Variants in CHL1 observed in about 807,000 individuals in gnomAD.
CHL1 encodes the protein cell adhesion molecule L1 like.
A neutral mutation model predicts 141.9 loss-of-function variants in CHL1; 96 were observed. That is an observed-to-expected ratio of 0.68 (90% CI 0.57 to 0.80). The LOEUF is 0.80. Ranked by LOEUF, CHL1 falls within the 30% of genes least tolerant of loss-of-function variation. The probability of loss-of-function intolerance (pLI) is 0.00; values close to 1 mark genes in which losing one functional copy is unlikely to be tolerated. For missense variants in CHL1, 1,820 were observed against 1,457.2 expected (o/e 1.25, Z -4.05); for synonymous variants, 613 against 502.2 (o/e 1.22, Z -2.95).
chr3:232,551 T>G (rs1406554968), intron 1 of CHL1, among the ~76,000 whole-genome samples: 1 of 152,212 alleles, frequency 6.6e-6, no homozygotes, highest in East Asian at 1.9e-4. Flanking sequence ...TATGCTCTGC[T>G]GATTAGCTAT....
At chr3:258,908 C>T (rs1694432473) in intron 2 of CHL1, among the ~76,000 whole-genome samples, 1 of 150,796 alleles carries the variant, frequency 6.6e-6, no homozygotes, top group Admixed American at 6.6e-5. Context: ...TTATCACACA[C>T]CTTTATTTTA....
intron 5 of CHL1, among the ~76,000 whole-genome samples, chr3:330,582 A>AAT (rs1222548779): frequency 6.6e-6 from 1 of 152,154 alleles, no homozygotes; most frequent in Non-Finnish European, 1.5e-5. Flanking sequence ...AATCTAGACA[A>AAT]ATAGAAAATA....
At chr3:231,575 C>CTTTTTTTT (rs5845954) in intron 1 of CHL1, among the ~76,000 whole-genome samples, 2 of 100,564 alleles carry the variant, frequency 2.0e-5, no homozygotes, top group African/African-American at 3.3e-5. Context: ...TTATTTCTTC[C>CTTTTTTTT]TTTTTTTTTT....
chr3:347,758 T>G (rs953050195), intron 9 of CHL1, among the ~76,000 whole-genome samples: 33 of 152,152 alleles, frequency 2.2e-4, no homozygotes, highest in Non-Finnish European at 1.0e-4. Flanking sequence ...TCTTAGGTGG[T>G]GTGCTCAGAA....
At chr3:357,394 C>G (rs1289770921) in intron 11 of CHL1, among the ~76,000 whole-genome samples, 2 of 152,160 alleles carry the variant, frequency 1.3e-5, no homozygotes, top group Non-Finnish European at 2.9e-5. Context: ...CGGACTAACC[C>G]TTTTCACATG....
At chr3:277,165 T>C (rs1696215600) in intron 2 of CHL1, among the ~76,000 whole-genome samples, 2 of 152,172 alleles carry the variant, frequency 1.3e-5, no homozygotes, top group Admixed American at 1.3e-4. Flanking sequence ...TTCTAAAAAG[T>C]CTTTTAAAAT....
intron 1 of CHL1, among the ~76,000 whole-genome samples, chr3:244,327 T>A (rs1184280575): frequency 6.6e-6 from 1 of 152,192 alleles, no homozygotes; most frequent in East Asian, 1.9e-4. Context: ...CGTGAATTCA[T>A]GAGAGAAGAC....
At chr3:337,245 C>T (rs1179217681) in intron 5 of CHL1, among the ~76,000 whole-genome samples, 2 of 139,190 alleles carry the variant, frequency 1.4e-5, no homozygotes, top group Non-Finnish European at 3.0e-5. Context: ...GGCTGGAGGG[C>T]AGTGGCACAA....
chr3:344,546 T>C (rs778772368), intron 8 of CHL1, 43 bp from the exon 9 acceptor site: 8 of 1,501,972 alleles, frequency 5.3e-6, no homozygotes, highest in South Asian at 4.7e-5. Flanking sequence ...ATTTTATGTA[T>C]ATTAATTTGA....
intron 1 of CHL1, among the ~76,000 whole-genome samples, chr3:236,702 A>T (rs1692018283): frequency 6.6e-6 from 1 of 151,670 alleles, no homozygotes; most frequent in Admixed American, 6.6e-5. Context: ...TGTGGCCCTT[A>T]ACATTTTATT....
chr3:268,753 A>G (rs992154023), intron 2 of CHL1, among the ~76,000 whole-genome samples: 1 of 152,176 alleles, frequency 6.6e-6, no homozygotes, highest in Non-Finnish European at 1.5e-5. Flanking sequence ...CATACAGAAA[A>G]CAATTAATAA....
At chr3:217,351 C>T (rs1362239818) in intron 1 of CHL1, among the ~76,000 whole-genome samples, 1 of 151,992 alleles carries the variant, frequency 6.6e-6, no homozygotes, top group Non-Finnish European at 1.5e-5. Context: ...TATTGAGCTG[C>T]GAACAAATCC....
chr3:343,150 T>A (rs1264583477), intron 8 of CHL1, 119 bp downstream of exon 8: 1 of 743,486 alleles, frequency 1.3e-6, no homozygotes, highest in Non-Finnish European at 2.1e-6. Context: ...ATGAAAAACA[T>A]CTGAACTTAG....
At position 401,665 on chromosome 3, in the gene CHL1, A is replaced by G; in HGVS notation, c.3425A>G (p.Gln1142Arg). Residue 1142 changes from glutamine (Q) to arginine (R), a missense_variant, in exon 27 of 28, where the codon CAG (glutamine) becomes CGG (arginine). Gln to Arg is a conservative substitution (Grantham distance 43, BLOSUM62 1). Transcript: ENST00000256509. ...KEDLHPDPEI[Q>R]SVKDETFGEY... is the part of the protein sequence containing the mutation. ...GATTTGCATCCAGACCCAGAAATTC[A>G]GTCAGTAAAAGATGAAACCTTTGGT... The G allele has an allele frequency of 6.3e-7, 1 of 1,597,220 alleles. No homozygotes were observed. Among genetic ancestry groups the G allele is most frequent in the South Asian group, 1.1e-5 (1 of 87,964 alleles).
Position 261,736 on chromosome 3 carries a change from C to G in CHL1, c.-95+17044C>G, listed in dbSNP as rs540155929. ...AGACTTAACAACCAGCTCTCAAAAT[C>G]CTCTCCTCAGTATTTATAAAGAGAA... On this transcript the variant is annotated intron_variant, in intron 2 of 27. Transcript: ENST00000256509. 2.0e-4 allele frequency among the ~76,000 whole-genome samples: 31 copies of G among 152,090 alleles called. No homozygotes were observed. The South Asian group carries it at 6.4e-3, about 32-fold the overall frequency.
Position 391,167 on chromosome 3 carries a change from G to C in CHL1, c.2791+8G>C, listed in dbSNP as rs766089226. 76 of 1,594,602 alleles carry C rather than the reference G, an allele frequency of 4.8e-5. No homozygotes were observed. The highest frequency in any genetic ancestry group is 6.4e-5 in the Non-Finnish European group (74 of 1,162,764). On this transcript the variant is annotated splice_region_variant and intron_variant, in intron 22 of 27. Transcript: ENST00000256509. ...TTCAAACACCAGAAGGAGGTGAGAG[G>C]ATAATGATGTAGAGTCATGTCAAAA... is the stretch of plus-strand genomic sequence containing the variant.
chr3:321,272 C>T (rs62227232), intron 3 of CHL1, among the ~76,000 whole-genome samples: 20,818 of 151,990 alleles, frequency 0.14, 1,696 homozygotes, highest in African/African-American at 0.21. Flanking sequence ...TTGACATTTC[C>T]ATTTCTTAAG....
At chr3:247,229 T>G (rs1050482746) in intron 2 of CHL1, 1 of 152,000 alleles carries the variant, frequency 6.6e-6, no homozygotes, top group Non-Finnish European at 1.5e-5. Context: ...ACACCAGGGC[T>G]TGGCTCCTGT....
chr3:300,597 C>T (rs1292260731), intron 2 of CHL1, among the ~76,000 whole-genome samples: 1 of 152,100 alleles, frequency 6.6e-6, no homozygotes, highest in African/African-American at 2.4e-5. Context: ...CTATTCTGTG[C>T]AAGGCAATAC....
Sources: gnomAD v4.1 joint callset for allele counts (sites outside exome capture counted in the v4.1 genomes callset) on GRCh38, gnomAD v4.1.1 for gene constraint, MANE v1.5 for transcripts, NCBI Gene and HGNC (gene_info 2026-07-23, HGNC 2026-07-21) for gene names.